SEZ6L: variants seen among roughly 807,000 people sequenced by gnomAD.
SEZ6L encodes the protein seizure 6-like protein.
SEZ6L carries 37 observed loss-of-function variants against 106.2 expected under a neutral mutation model. That is an observed-to-expected ratio of 0.35 (90% CI 0.27 to 0.46). The LOEUF is 0.46. Ranked by LOEUF, SEZ6L falls within the 20% of genes least tolerant of loss-of-function variation. The pLI, the probability that SEZ6L is intolerant of heterozygous loss-of-function variation, is 1.00. For missense variants in SEZ6L, 1,172 were observed against 1,332.8 expected (o/e 0.88, Z 1.88); for synonymous variants, 541 against 570.4 (o/e 0.95, Z 0.73).
intron 1 of SEZ6L, among the ~76,000 whole-genome samples, chr22:26,207,575 A>G (rs5761404): frequency 0.049 from 7,404 of 151,998 alleles, 344 homozygotes; most frequent in East Asian, 0.22. Flanking sequence ...ATTTTTTTCT[A>G]TTTGCCCTTC....
intron 9 of SEZ6L, among the ~76,000 whole-genome samples, chr22:26,318,510 A>G (rs764695633): frequency 2.2e-4 from 34 of 151,962 alleles, no homozygotes; most frequent in Non-Finnish European, 4.7e-4. Context: ...CTCCCTTCTC[A>G]TTGCAGCAAT....
intron 9 of SEZ6L, among the ~76,000 whole-genome samples, chr22:26,330,442 C>T (rs1428283184): frequency 3.3e-5 from 5 of 152,162 alleles, no homozygotes; most frequent in Non-Finnish European, 5.9e-5. Context: ...GCTGTAAATG[C>T]AGGGTGGACA....
At chr22:26,273,281 C>T (rs1487818389) in intron 1 of SEZ6L, among the ~76,000 whole-genome samples, 1 of 152,268 alleles carries the variant, frequency 6.6e-6, no homozygotes, top group East Asian at 1.9e-4. Flanking sequence ...AGGCATCATG[C>T]CTGTGAAGGG....
chr22:26,199,303 A>C (rs1363392559), intron 1 of SEZ6L, among the ~76,000 whole-genome samples: 1 of 152,186 alleles, frequency 6.6e-6, no homozygotes, highest in Non-Finnish European at 1.5e-5. Context: ...GGGACTGAAC[A>C]CAGCTCCCAA....
chr22:26,261,796 G>T (rs920215074), intron 1 of SEZ6L, among the ~76,000 whole-genome samples: 2 of 152,134 alleles, frequency 1.3e-5, no homozygotes, highest in African/African-American at 2.4e-5. Flanking sequence ...AATAAAATGG[G>T]GATGAAATAA....
intron 10 of SEZ6L, among the ~76,000 whole-genome samples, chr22:26,344,694 A>G (rs192428910): frequency 6.6e-6 from 1 of 152,336 alleles, no homozygotes; most frequent in East Asian, 1.9e-4. Flanking sequence ...CTAGAGTCTA[A>G]TAAGATGCTC....
chr22:26,373,876 C>T (rs2084126934), intron 14 of SEZ6L, among the ~76,000 whole-genome samples: 1 of 152,154 alleles, frequency 6.6e-6, no homozygotes, highest in Non-Finnish European at 1.5e-5. Context: ...GAAGAGTTTG[C>T]CCTGGAAGCA....
intron 3 of SEZ6L, among the ~76,000 whole-genome samples, chr22:26,294,829 T>C: frequency 6.6e-6 from 1 of 151,280 alleles, no homozygotes; most frequent in East Asian, 1.9e-4. Flanking sequence ...CTTTCTTTCT[T>C]GCTTGCTTGC....
rs779693939 is a variant in SEZ6L, at chr22:26,296,955, C to G, written c.1037C>G (p.Thr346Ser). ...CGCGGGGTGGACGGCCCTACCCTGA[C>G]CGTCCTGGCCAACCAGACACTCCTG... ...SIRGVDGPTL[T>S]VLANQTLLVE... Residue 346 changes from threonine (T) to serine (S), a missense_variant, in exon 4 of 17, where the codon ACC becomes AGC. By Grantham distance (58) the Thr-to-Ser change is moderately conservative (BLOSUM62 1). Coordinates refer to ENST00000248933, the MANE Select transcript of SEZ6L (RefSeq NM_021115.5). 2 of 1,614,144 alleles carry G rather than the reference C, an allele frequency of 1.2e-6. No homozygotes were observed. Among genetic ancestry groups the G allele is most frequent in the East Asian group, 4.5e-5 (2 of 44,886 alleles).
At position 26,208,846 on chromosome 22, in the gene SEZ6L, CTCTCTGTGTGTGTG is replaced by C. The variant is rs1228324418; in HGVS notation, c.94+39085_94+39098del. 5.2e-3 allele frequency among the ~76,000 whole-genome samples: 614 copies of C among 118,208 alleles called. 3 individuals are homozygous for C. The highest frequency in any genetic ancestry group is 0.019 in the African/African-American group (483 of 26,014). 77.5% of individuals were successfully genotyped at this position (118,208 alleles called of 152,430 possible). On this transcript the variant is annotated intron_variant, in intron 1 of 16. Coordinates refer to ENST00000248933, the MANE Select transcript of SEZ6L (RefSeq NM_021115.5). ...CTGTTTTTTTCTACTTCTTGACTCT[CTCTCTGTGTGTGTG>C]TGTGTGTGTGTGTGTGTGTGTGTGT...
At chr22:26,294,931 TTCTCTTTC>T (rs1468514032) in intron 3 of SEZ6L, among the ~76,000 whole-genome samples, 8 of 134,606 alleles carry the variant, frequency 5.9e-5, no homozygotes, top group Non-Finnish European at 1.1e-4. Context: ...TTCTTTCTCT[TTCTCTTTC>T]TTTCTTTCTT....
intron 10 of SEZ6L, among the ~76,000 whole-genome samples, chr22:26,341,349 A>G (rs913275584): frequency 6.6e-6 from 1 of 150,420 alleles, no homozygotes; most frequent in Admixed American, 6.6e-5. Flanking sequence ...ATCCAATCAC[A>G]CTCTTCCCTT....
chr22:26,326,239 G>A (rs73158636), intron 9 of SEZ6L, among the ~76,000 whole-genome samples: 2 of 152,108 alleles, frequency 1.3e-5, no homozygotes, highest in Non-Finnish European at 2.9e-5. Context: ...TTGCCTTGTC[G>A]GTGCACCCCT....
In SEZ6L at chr22:26,349,817, T is replaced by A. The variant is rs1048808890; in HGVS notation, c.2408-1235T>A. Among the ~76,000 whole-genome samples, 60 of 152,328 alleles carry A rather than the reference T, an allele frequency of 3.9e-4. 1 individual carries two copies. Among genetic ancestry groups the A allele is most frequent in the African/African-American group, 1.2e-3 (48 of 41,580 alleles). ...TTCTTACAAACTTCCTGCATCTGCT[T>A]TTTTTTCAGCTCAGAAATGTGGATA... is the stretch of plus-strand genomic sequence containing the variant. On this transcript the variant is annotated intron_variant, in intron 11 of 16. Coordinates refer to ENST00000248933, the MANE Select transcript of SEZ6L (RefSeq NM_021115.5).
At chr22:26,351,509 G>GTTTT in intron 12 of SEZ6L, 1 of 344,820 alleles carries the variant, frequency 2.9e-6, no homozygotes, top group Non-Finnish European at 5.0e-6. Context: ...AGTATACTTT[G>GTTTT]TTTTTTTGTT....
intron 1 of SEZ6L, among the ~76,000 whole-genome samples, chr22:26,200,432 G>C (rs980380356): frequency 1.3e-5 from 2 of 152,188 alleles, no homozygotes; most frequent in African/African-American, 2.4e-5. Context: ...CTGACAGCAA[G>C]TCCTTCTTTC....
intron 5 of SEZ6L, among the ~76,000 whole-genome samples, chr22:26,301,111 C>A (rs2081439902): frequency 1.3e-5 from 2 of 152,202 alleles, no homozygotes; most frequent in African/African-American, 2.4e-5. Flanking sequence ...GAGCCATTAT[C>A]CCCATTTTGC....
chr22:26,330,309 T>C (rs1342184371), intron 9 of SEZ6L, among the ~76,000 whole-genome samples: 2 of 152,214 alleles, frequency 1.3e-5, no homozygotes, highest in Non-Finnish European at 2.9e-5. Context: ...GGCACCTCAG[T>C]TGGCTTATCT....
chr22:26,179,229 A>G (rs1249280529), intron 1 of SEZ6L, among the ~76,000 whole-genome samples: 1 of 152,124 alleles, frequency 6.6e-6, no homozygotes, highest in African/African-American at 2.4e-5. Context: ...TCTGTACAAA[A>G]AATTCTAAAA....
Sources: allele counts gnomAD v4.1 joint callset (sites outside exome capture counted in the v4.1 genomes callset), GRCh38; gene constraint gnomAD v4.1.1; transcripts MANE v1.5; gene names NCBI Gene and HGNC (gene_info 2026-07-23, HGNC 2026-07-21).